TCF4: variants seen among roughly 807,000 people sequenced by gnomAD.
TCF4 encodes SL3-3 enhancer factor 2.
Under a neutral mutation model 82.1 loss-of-function variants are expected in TCF4, and 3 were observed. The ratio of observed to expected loss-of-function variants is 0.04; its 90% CI spans 0.02 to 0.09. The LOEUF is 0.09. Among genes scored for constraint, TCF4 ranks in the 10% least tolerant of loss-of-function variants. The pLI, the probability that TCF4 is intolerant of heterozygous loss-of-function variation, is 1.00. For missense variants in TCF4, 518 were observed against 852.7 expected (o/e 0.61, Z 4.89); for synonymous variants, 276 against 309.6 (o/e 0.89, Z 1.14).
At chr18:55,562,971 A>G (rs999771785) in intron 3 of TCF4, among the ~76,000 whole-genome samples, 1 of 152,132 alleles carries the variant, frequency 6.6e-6, no homozygotes, top group Non-Finnish European at 1.5e-5. Context: ...CAGACACAGT[A>G]GCTCACACCT....
chr18:55,373,415 C>T (rs1005973560), intron 6 of TCF4, among the ~76,000 whole-genome samples: 17 of 152,056 alleles, frequency 1.1e-4, no homozygotes, highest in Middle Eastern at 3.4e-3. Context: ...ATACCCTGAG[C>T]GGTTGGTAAA....
intron 5 of TCF4, among the ~76,000 whole-genome samples, chr18:55,428,734 C>A (rs1469943612): frequency 1.3e-5 from 2 of 152,172 alleles, no homozygotes; most frequent in African/African-American, 4.8e-5. Context: ...CATTTCATCA[C>A]AGAGCATGGA....
At chr18:55,493,221 C>A (rs529615596) in intron 3 of TCF4, among the ~76,000 whole-genome samples, 1 of 152,106 alleles carries the variant, frequency 6.6e-6, no homozygotes, top group Non-Finnish European at 1.5e-5. Context: ...AATACCATTA[C>A]CAACTTGAAA....
At chr18:55,301,460 G>C (rs1241532705) in intron 8 of TCF4, among the ~76,000 whole-genome samples, 1 of 152,198 alleles carries the variant, frequency 6.6e-6, no homozygotes, top group African/African-American at 2.4e-5. Context: ...ATTCTGTGGT[G>C]AAATGTACAG....
At chr18:55,607,063 G>A (rs889437056) in intron 2 of TCF4, among the ~76,000 whole-genome samples, 4 of 152,090 alleles carry the variant, frequency 2.6e-5, no homozygotes, top group Non-Finnish European at 5.9e-5. Flanking sequence ...AGGCACAATG[G>A]GTAGAGGTGA....
chr18:55,255,722 A>G (rs565735997), intron 14 of TCF4, among the ~76,000 whole-genome samples: 44 of 152,194 alleles, frequency 2.9e-4, no homozygotes, highest in Non-Finnish European at 6.0e-4. Context: ...ATGAGGCTCA[A>G]AGACACAAAG....
At chr18:55,549,488 T>C (rs2097239381) in intron 3 of TCF4, among the ~76,000 whole-genome samples, 1 of 152,204 alleles carries the variant, frequency 6.6e-6, no homozygotes, top group Non-Finnish European at 1.5e-5. Context: ...CCTTATTTTA[T>C]AAGCTTTTTT....
intron 6 of TCF4, among the ~76,000 whole-genome samples, chr18:55,392,445 A>G (rs1021134541): frequency 5.6e-5 from 8 of 143,258 alleles, no homozygotes; most frequent in South Asian, 4.5e-4. Context: ...ATAGAGACCC[A>G]ATCCCCAACA....
chr18:55,330,438 A>G (rs1292278131), intron 8 of TCF4, among the ~76,000 whole-genome samples: 1 of 151,990 alleles, frequency 6.6e-6, no homozygotes, highest in African/African-American at 2.4e-5. Context: ...TCGGCCTCCC[A>G]AAGTGCTGGG....
intron 8 of TCF4, chr18:55,321,746 G>T (rs2147494222): frequency 2.0e-6 from 3 of 1,535,920 alleles, no homozygotes; most frequent in East Asian, 2.4e-5. Flanking sequence ...CATGGTCTCG[G>T]ATTCTTTTTT....
intron 8 of TCF4, chr18:55,302,582 T>C (rs968131148): frequency 6.5e-7 from 1 of 1,533,190 alleles, no homozygotes; most frequent in African/African-American, 1.4e-5. Flanking sequence ...CCAGAATTCA[T>C]AATGGGAGGG....
chr18:55,625,628 C>T (rs1249082540), intron 2 of TCF4, among the ~76,000 whole-genome samples: 2 of 152,058 alleles, frequency 1.3e-5, no homozygotes, highest in African/African-American at 4.8e-5. Context: ...GAATTTTAGT[C>T]CCAGCAATGT....
In TCF4 at chr18:55,222,591, C is replaced by CAA. The variant is rs2046011498; in HGVS notation, c.*5442_*5443dup. 1 of 152,446 alleles carries CAA rather than the reference C, an allele frequency of 6.6e-6. No individual in the cohort carries two copies. The highest frequency in any genetic ancestry group is 6.6e-5 in the Admixed American group (1 of 15,248). 9.4% of individuals were successfully genotyped at this position (152,446 alleles called of 1,614,324 possible). ...TCACTAAACCCAATTAGAAAGAATA[C>CAA]AAGAGCAATATTGGAGACATCCCCA... On this transcript the variant is annotated 3_prime_UTR_variant, in exon 20 of 20. Transcript: ENST00000354452.
At chr18:55,619,637 C>T (rs774827749) in intron 2 of TCF4, among the ~76,000 whole-genome samples, 2 of 152,126 alleles carry the variant, frequency 1.3e-5, no homozygotes, top group South Asian at 2.1e-4. Context: ...TAAAAAGTGC[C>T]TTAATGTCCT....
intron 6 of TCF4, chr18:55,401,137 A>G: frequency 7.8e-7 from 1 of 1,286,498 alleles, no homozygotes; most frequent in South Asian, 1.2e-5. Flanking sequence ...ATACGGCACA[A>G]GAGAAACTGA....
intron 8 of TCF4, among the ~76,000 whole-genome samples, chr18:55,301,007 A>ACC (rs1356659595): frequency 2.0e-5 from 3 of 151,044 alleles, no homozygotes; most frequent in African/African-American, 7.3e-5. Flanking sequence ...GCAGGGAATG[A>ACC]CCCCCCTGGT....
At position 55,301,788 on chromosome 18, in the gene TCF4, TAAAAAAAAAAA is replaced by T. The variant is rs10652622; in HGVS notation, c.550-22143_550-22133del. On this transcript the variant is annotated intron_variant, in intron 8 of 19. Transcript: ENST00000354452. Reference sequence around the variant, plus strand: ...TCTAGTGAGCTAACACCAAAAACTGTAAAAAAAAAAAAAAAAAAAAAAAAGTGGGGGGGGAT... The same window carrying T: ...TCTAGTGAGCTAACACCAAAAACTGTAAAAAAAAAAAAAGTGGGGGGGGAT... Among the ~76,000 whole-genome samples the T allele has an allele frequency of 1.2e-4, 7 of 56,316 alleles. No individual in the cohort carries two copies. In the East Asian group the frequency reaches 3.9e-3, roughly 31 times the overall value. The allele number at this position is 56,316 out of a possible 152,430, so 36.9% of individuals were successfully genotyped here. A position where few individuals can be genotyped will look rare whatever the true frequency, so the allele number is the denominator to read the frequency against.
chr18:55,421,118 C>T (rs7229740), intron 5 of TCF4, among the ~76,000 whole-genome samples: 11,715 of 151,986 alleles, frequency 0.077, 990 homozygotes, highest in African/African-American at 0.2. Context: ...CTTTTGCCTG[C>T]TATTTTACCA....
chr18:55,296,164 C>T (rs558453495), intron 8 of TCF4, among the ~76,000 whole-genome samples: 1 of 151,116 alleles, frequency 6.6e-6, no homozygotes, highest in African/African-American at 2.4e-5. Context: ...AAGATGAAAT[C>T]TACTGCCTCT....
Sources: gnomAD v4.1 joint callset for allele counts (sites outside exome capture counted in the v4.1 genomes callset) on GRCh38, gnomAD v4.1.1 for gene constraint, MANE v1.5 for transcripts, NCBI Gene and HGNC (gene_info 2026-07-23, HGNC 2026-07-21) for gene names.